HACD2: variants seen among roughly 807,000 people sequenced by gnomAD.
HACD2 encodes 3-hydroxyacyl-CoA dehydratase 2.
In HACD2, 15 loss-of-function variants were observed where a neutral mutation model predicts 31.0. The observed-to-expected ratio is 0.48, with a 90% CI of 0.32 to 0.75. The LOEUF is 0.75. HACD2 is among the 30% of genes least tolerant of loss of function. The pLI, the probability that HACD2 is intolerant of heterozygous loss-of-function variation, is 0.03. For missense variants in HACD2, 283 were observed against 313.0 expected, an observed-to-expected ratio of 0.90 and a Z score of 0.72; for synonymous variants, 115 against 122.2, an observed-to-expected ratio of 0.94 and a Z score of 0.39.
chr3:123,531,429 T>C (rs1576755424), intron 3 of HACD2, among the ~76,000 whole-genome samples: 1 of 152,092 alleles, frequency 6.6e-6, no homozygotes, highest in Non-Finnish European at 1.5e-5. Context: ...AAGTGATTCT[T>C]GTGCCTCAGC....
At chr3:123,534,855 A>G (rs946814799) in intron 3 of HACD2, among the ~76,000 whole-genome samples, 1 of 151,604 alleles carries the variant, frequency 6.6e-6, no homozygotes, top group Non-Finnish European at 1.5e-5. Context: ...AAAAAAAGAA[A>G]TTAAAAATAG....
At chr3:123,567,900 T>G (rs1387961376) in intron 2 of HACD2, 120 bp from the exon 3 acceptor site, 1 of 511,570 alleles carries the variant, frequency 2.0e-6, no homozygotes, top group Non-Finnish European at 3.3e-6. Context: ...GTATTAAATA[T>G]GAAAAATGAA....
At chr3:123,506,484 C>A (rs1197792041) in intron 4 of HACD2, among the ~76,000 whole-genome samples, 1 of 152,226 alleles carries the variant, frequency 6.6e-6, no homozygotes, top group Non-Finnish European at 1.5e-5. Context: ...ACAATCACAG[C>A]TCACCACAGC....
Position 123,502,698 on chromosome 3 carries a change from A to C in HACD2, c.382-17T>G. On this transcript the variant is annotated splice_polypyrimidine_tract_variant and intron_variant, in intron 4 of 6. Coordinates refer to ENST00000383657, the MANE Select transcript of HACD2 (RefSeq NM_198402.5). The stretch of plus-strand genomic sequence containing the variant: ...ACTCTGTACCTGAAGGAAGAGGAAA[A>C]CAAAAGAAAAAAAACACACAGACAA... The C allele has an allele frequency of 6.3e-7, 1 of 1,583,614 alleles. No individual in the cohort carries two copies. The highest frequency in any genetic ancestry group is 8.6e-7 in the Non-Finnish European group (1 of 1,164,022).
chr3:123,520,271 AT>A (rs1376095845), intron 4 of HACD2, among the ~76,000 whole-genome samples: 1 of 152,206 alleles, frequency 6.6e-6, no homozygotes, highest in Non-Finnish European at 1.5e-5. Context: ...TACCTTATAA[AT>A]TTTCTTTTGT....
chr3:123,491,700 T>G lies in HACD2; in HGVS notation c.*3188A>C, dbSNP rs2055764853. On this transcript the variant is annotated 3_prime_UTR_variant, in exon 7 of 7. Coordinates refer to ENST00000383657, the MANE Select transcript of HACD2 (RefSeq NM_198402.5). ...AGTTAAGCGTAGTCTCTGGACTCCT[T>G]ATTTCTAAATATACAAAAAATACAT... The G allele has an allele frequency of 6.6e-6, 1 of 152,666 alleles. No individual in the cohort carries two copies. The highest frequency in any genetic ancestry group is 1.5e-5 in the Non-Finnish European group (1 of 68,042). 9.5% of individuals were successfully genotyped at this position (152,666 alleles called of 1,614,324 possible).
intron 4 of HACD2, among the ~76,000 whole-genome samples, chr3:123,517,153 C>A (rs2056148494): frequency 1.3e-5 from 2 of 152,228 alleles, no homozygotes; most frequent in Admixed American, 6.5e-5. Context: ...TCCATACAAC[C>A]TGATGGCTGT....
At chr3:123,535,093 C>T (rs771426747) in intron 3 of HACD2, among the ~76,000 whole-genome samples, 35 of 152,186 alleles carry the variant, frequency 2.3e-4, no homozygotes, top group Non-Finnish European at 4.1e-4. Flanking sequence ...CAGTAGTACA[C>T]AGCAATGTCC....
At chr3:123,517,801 A>G (rs554315020) in intron 4 of HACD2, among the ~76,000 whole-genome samples, 7 of 152,306 alleles carry the variant, frequency 4.6e-5, no homozygotes, top group African/African-American at 9.6e-5. Flanking sequence ...AAAGGTGGGG[A>G]AAAAAAGCTA....
At chr3:123,546,090 G>C (rs778584483) in intron 3 of HACD2, among the ~76,000 whole-genome samples, 1 of 152,064 alleles carries the variant, frequency 6.6e-6, no homozygotes, top group African/African-American at 2.4e-5. Flanking sequence ...TATTAATGAG[G>C]ACTTTAATGG....
chr3:123,531,660 A>G (rs2107710347), intron 3 of HACD2, among the ~76,000 whole-genome samples: 1 of 152,260 alleles, frequency 6.6e-6, no homozygotes, highest in East Asian at 1.9e-4. Flanking sequence ...ACACACAACG[A>G]TTTATTTAGT....
Position 123,528,493 on chromosome 3 carries a change from T to C in HACD2, c.293-19A>G. On this transcript the variant is annotated intron_variant, in intron 3 of 6. Transcript: ENST00000383657. Reference sequence around the variant, plus strand: ...ACAATTCCTGAAAGAAATTTTGGGATGGATAAATAAATGTACTGTACTAAG... The same window carrying C: ...ACAATTCCTGAAAGAAATTTTGGGACGGATAAATAAATGTACTGTACTAAG... 1 of 1,434,418 alleles carries C rather than the reference T, an allele frequency of 7.0e-7. No homozygotes were observed. Among genetic ancestry groups the C allele is most frequent in the Non-Finnish European group, 9.8e-7 (1 of 1,016,680 alleles). 88.9% of individuals were successfully genotyped at this position (1,434,418 alleles called of 1,614,324 possible). A position where few individuals can be genotyped will look rare whatever the true frequency, so the allele number is the denominator to read the frequency against.
chr3:123,540,588 T>C (rs1170074648), intron 3 of HACD2, among the ~76,000 whole-genome samples: 1 of 152,238 alleles, frequency 6.6e-6, no homozygotes, highest in Non-Finnish European at 1.5e-5. Flanking sequence ...TTGTAAGTCA[T>C]GGAAACTTAC....
chr3:123,567,729 C>A, intron 3 of HACD2, 33 bp downstream of exon 3: 1 of 1,324,206 alleles, frequency 7.6e-7, no homozygotes, highest in Non-Finnish European at 1.0e-6. Flanking sequence ...GCAGAATTCA[C>A]TGTACATAGT....
At chr3:123,554,519 A>G (rs2056654261) in intron 3 of HACD2, among the ~76,000 whole-genome samples, 2 of 152,148 alleles carry the variant, frequency 1.3e-5, no homozygotes, top group Non-Finnish European at 2.9e-5. Flanking sequence ...CTCTCGAAAA[A>G]AAATTAAAGA....
intron 3 of HACD2, among the ~76,000 whole-genome samples, chr3:123,554,368 G>A (rs2056651635): frequency 6.6e-6 from 1 of 152,034 alleles, no homozygotes; most frequent in Non-Finnish European, 1.5e-5. Context: ...GGACATGGTG[G>A]TACACATCTG....
chr3:123,570,058 A>ACACTG (rs1222132154), intron 2 of HACD2, among the ~76,000 whole-genome samples: 2 of 144,586 alleles, frequency 1.4e-5, no homozygotes, highest in Non-Finnish European at 3.0e-5. Flanking sequence ...TAGCAACAGG[A>ACACTG]CACTGCAGGA....
intron 6 of HACD2, 111 bp downstream of exon 6, chr3:123,500,404 A>G: frequency 1.4e-6 from 1 of 726,224 alleles, no homozygotes; most frequent in Non-Finnish European, 2.2e-6. Flanking sequence ...AATTCCCAAT[A>G]AATGAGATTT....
chr3:123,518,945 C>T (rs925135007), intron 4 of HACD2, among the ~76,000 whole-genome samples: 5 of 145,278 alleles, frequency 3.4e-5, no homozygotes, highest in East Asian at 2.0e-4. Flanking sequence ...TGCAGTGGGC[C>T]GAGATCGCGT....
Sources: gnomAD v4.1 joint callset for allele counts (sites outside exome capture counted in the v4.1 genomes callset) on GRCh38, gnomAD v4.1.1 for gene constraint, MANE v1.5 for transcripts, NCBI Gene and HGNC (gene_info 2026-07-23, HGNC 2026-07-21) for gene names.